Variants in EFL1 observed in about 807,000 individuals in gnomAD.
EFL1 encodes the protein elongation factor-like GTPase 1.
Under a neutral mutation model 126.7 loss-of-function variants are expected in EFL1, and 76 were observed. The observed-to-expected ratio is 0.60, with a 90% confidence interval of 0.50 to 0.73. The LOEUF (loss-of-function observed/expected upper bound fraction) is 0.73. EFL1 is among the 30% of genes least tolerant of loss of function. The pLI, the probability that EFL1 is intolerant of heterozygous loss-of-function variation, is 0.00. For synonymous variants in EFL1, 410 were observed against 448.4 expected (o/e 0.91, Z 1.08); for missense variants, 1,128 against 1,343.2 (o/e 0.84, Z 2.50).
intron 4 of EFL1, among the ~76,000 whole-genome samples, chr15:82,251,390 A>G (rs1456975191): frequency 6.6e-6 from 1 of 152,188 alleles, no homozygotes; most frequent in Non-Finnish European, 1.5e-5. Flanking sequence ...ATTTTATGGT[A>G]TATAAATTAA....
At chr15:82,241,567 A>C (rs1350014594) in intron 4 of EFL1, among the ~76,000 whole-genome samples, 164 bp from the exon 5 acceptor site, 2 of 152,248 alleles carry the variant, frequency 1.3e-5, no homozygotes, top group Non-Finnish European at 2.9e-5. Context: ...TTTCCCACTG[A>C]TGGGACTACT....
intron 14 of EFL1, among the ~76,000 whole-genome samples, chr15:82,216,313 G>A (rs1359446434): frequency 1.3e-5 from 2 of 152,200 alleles, no homozygotes; most frequent in Non-Finnish European, 2.9e-5. Context: ...CCAAATAGGT[G>A]TATGGACATA....
chr15:82,257,461 C>T (rs1161157088), intron 3 of EFL1, among the ~76,000 whole-genome samples: 4 of 152,130 alleles, frequency 2.6e-5, no homozygotes, highest in African/African-American at 9.7e-5. Flanking sequence ...ACATTAGGAA[C>T]ATTACCAGGT....
intron 15 of EFL1, among the ~76,000 whole-genome samples, chr15:82,169,997 C>T (rs370358632): frequency 1.3e-5 from 2 of 151,460 alleles, no homozygotes; most frequent in Admixed American, 6.6e-5. Flanking sequence ...AGACAGAAAC[C>T]GAAAAGGTTA....
intron 12 of EFL1, among the ~76,000 whole-genome samples, chr15:82,223,978 A>T (rs538585517): frequency 1.3e-4 from 20 of 152,364 alleles, no homozygotes; most frequent in Admixed American, 1.3e-4. Flanking sequence ...AGTACTAAAA[A>T]ACAAAGCATA....
intron 2 of EFL1, 85 bp from the exon 3 acceptor site, chr15:82,259,240 T>G: frequency 8.1e-7 from 1 of 1,228,144 alleles, no homozygotes; most frequent in African/African-American, 1.5e-5. Flanking sequence ...AATCTGGTCA[T>G]AAGAATTGGT....
At chr15:82,251,643 T>TAA (rs141699904) in intron 4 of EFL1, among the ~76,000 whole-genome samples, 2 of 151,138 alleles carry the variant, frequency 1.3e-5, no homozygotes, top group Non-Finnish European at 3.0e-5. Flanking sequence ...AGAAGTGGTT[T>TAA]AAAAAAAAAT....
chr15:82,170,810 A>T (rs1316259782), intron 15 of EFL1, among the ~76,000 whole-genome samples: 1 of 152,240 alleles, frequency 6.6e-6, no homozygotes, highest in Non-Finnish European at 1.5e-5. Flanking sequence ...TGAGTTTTGT[A>T]TCCTGTCCCA....
chr15:82,236,830 T>C (rs1490820005), intron 7 of EFL1, among the ~76,000 whole-genome samples: 2 of 152,210 alleles, frequency 1.3e-5, no homozygotes, highest in Non-Finnish European at 2.9e-5. Flanking sequence ...AAACGAAACT[T>C]CAGCCAAATT....
At chr15:82,197,982 T>C (rs1595977329) in intron 15 of EFL1, among the ~76,000 whole-genome samples, 1 of 152,200 alleles carries the variant, frequency 6.6e-6, no homozygotes, top group Non-Finnish European at 1.5e-5. Flanking sequence ...AGTCCTGGGT[T>C]GTGTTAACGA....
At chr15:82,168,674 G>A (rs138949232) in intron 15 of EFL1, among the ~76,000 whole-genome samples, 35 of 152,208 alleles carry the variant, frequency 2.3e-4, no homozygotes, top group South Asian at 1.5e-3. Context: ...CACCACGCCC[G>A]GCTAATTTTT....
intron 15 of EFL1, among the ~76,000 whole-genome samples, chr15:82,183,966 CTG>C (rs2074277829): frequency 6.6e-6 from 1 of 152,186 alleles, no homozygotes; most frequent in African/African-American, 2.4e-5. Flanking sequence ...GCCTTCATGC[CTG>C]TGTCCATGGT....
chr15:82,196,668 C>T (rs1264438440), intron 15 of EFL1, among the ~76,000 whole-genome samples: 2 of 152,232 alleles, frequency 1.3e-5, no homozygotes, highest in Non-Finnish European at 2.9e-5. Context: ...ACTCAGTGAA[C>T]ACCTGGCATG....
chr15:82,138,103 T>A (rs2073741296), intron 19 of EFL1, among the ~76,000 whole-genome samples: 1 of 152,168 alleles, frequency 6.6e-6, no homozygotes, highest in Admixed American at 6.5e-5. Context: ...AATGAAGGGT[T>A]CTGAGTAGCC....
intron 15 of EFL1, among the ~76,000 whole-genome samples, chr15:82,198,834 C>T (rs2074437077): frequency 6.6e-6 from 1 of 152,152 alleles, no homozygotes; most frequent in Non-Finnish European, 1.5e-5. Context: ...GCCTTATTTA[C>T]TAGTTTGCGA....
At chr15:82,200,405 C>G (rs1259642645) in intron 15 of EFL1, among the ~76,000 whole-genome samples, 2 of 152,166 alleles carry the variant, frequency 1.3e-5, no homozygotes, top group African/African-American at 2.4e-5. Context: ...CTTCCCTTGG[C>G]AGCAACCTTA....
chr15:82,164,143 C>T (rs1251101056), intron 15 of EFL1, among the ~76,000 whole-genome samples, 159 bp from the exon 16 acceptor site: 3 of 150,684 alleles, frequency 2.0e-5, no homozygotes, highest in Non-Finnish European at 4.4e-5. Context: ...TTTTTTTGTA[C>T]ACCTGGATAC....
chr15:82,139,627 G>C (rs187086567), intron 18 of EFL1, among the ~76,000 whole-genome samples: 86 of 152,306 alleles, frequency 5.6e-4, no homozygotes, highest in African/African-American at 2.0e-3. Flanking sequence ...ACCCTGCAAA[G>C]AATAGAGATA....
At chr15:82,262,580 G>A (rs2075138359) in intron 1 of EFL1, 34 bp downstream of exon 1, 3 of 327,718 alleles carry the variant, frequency 9.2e-6, no homozygotes, top group Non-Finnish European at 1.1e-5. Context: ...GCTGGCCTAG[G>A]AGGTTCCAGC....
Sources: gnomAD v4.1 joint callset for allele counts (sites outside exome capture counted in the v4.1 genomes callset) on GRCh38, gnomAD v4.1.1 for gene constraint, MANE v1.5 for transcripts, NCBI Gene and HGNC (gene_info 2026-07-23, HGNC 2026-07-21) for gene names.